The following GTSE1 variants were observed in gnomAD, a reference collection of about 807,000 sequenced individuals.
The protein encoded by GTSE1 is G2 and S phase-expressed protein 1.
A neutral mutation model predicts 60.5 loss-of-function variants in GTSE1; 52 were observed. That is an observed-to-expected ratio of 0.86 (90% confidence interval 0.69 to 1.08). GTSE1 has a LOEUF of 1.08. Among genes scored for constraint, GTSE1 ranks in the 50% least tolerant of loss-of-function variants. The probability of loss-of-function intolerance (pLI) is 0.00; values close to 1 mark genes in which losing one functional copy is unlikely to be tolerated. For missense variants in GTSE1, 937 were observed against 961.8 expected (o/e 0.97, Z 0.34); for synonymous variants, 368 against 386.5 (o/e 0.95, Z 0.56).
In GTSE1 at chr22:46,297,278, G is replaced by T. The variant is rs2077662422; in HGVS notation, c.-21-102G>T. ...CGCGCCGCCTCTCCCAGACCTGGCC[G>T]CGGCCTTCAGCTCTCTCTGCCTCTG... On this transcript the variant is annotated intron_variant, in intron 1 of 11. Coordinates refer to ENST00000454366, the MANE Select transcript of GTSE1 (RefSeq NM_016426.7). The surrounding 1 kb of genome is among the most constrained non-coding windows in gnomAD (Gnocchi z 4.9). The T allele has an allele frequency of 1.3e-6, 1 of 746,658 alleles. No homozygotes were observed. The highest frequency in any genetic ancestry group is 2.3e-6 in the Non-Finnish European group (1 of 425,946). The allele number at this position is 746,658 out of a possible 1,614,324, so 46.3% of individuals were successfully genotyped here.
rs546849982 is a variant in GTSE1 at position 46,297,896 on chromosome 22, G to A, written c.79+417G>A. 2.0e-5 allele frequency among the ~76,000 whole-genome samples: 3 copies of A among 152,052 alleles called. No homozygotes were observed. Among genetic ancestry groups the A allele is most frequent in the Non-Finnish European group, 4.4e-5 (3 of 68,018 alleles). On this transcript the variant is annotated intron_variant, in intron 2 of 11. Coordinates refer to ENST00000454366, the MANE Select transcript of GTSE1 (RefSeq NM_016426.7). The surrounding 1 kb of genome is among the most constrained non-coding windows in gnomAD (Gnocchi z 4.9). ...GTCTTTGACTGGTTTGGGTATCAAG[G>A]TGAGGGTACAGCTTCACAGAATGAG... is the stretch of plus-strand genomic sequence containing the variant.
chr22:46,325,040 C>A (rs1328765199), intron 8 of GTSE1, among the ~76,000 whole-genome samples: 1 of 152,152 alleles, frequency 6.6e-6, no homozygotes, highest in African/African-American at 2.4e-5. Flanking sequence ...GTAGCTTGAA[C>A]AACAAACATT....
rs557961587 is a variant in GTSE1, at chr22:46,324,741, C to T, written c.1505+1479C>T. ...AATAAAGGGAGGAGGGTGGGGAATC[C>T]TAGAACTTCGCGGAGAGCAGCAGCT... is the stretch of plus-strand genomic sequence containing the variant. On this transcript the variant is annotated intron_variant, in intron 8 of 11. Transcript: ENST00000454366. This position sits in a 1 kb window ranked among gnomAD's most constrained non-coding sequence, Gnocchi z 5.2. 1.3e-5 allele frequency among the ~76,000 whole-genome samples: 2 copies of T among 152,238 alleles called. No individual in the cohort carries two copies. The highest frequency in any genetic ancestry group is 1.3e-4 in the Admixed American group (2 of 15,292).
chr22:46,312,700 A>C (rs1233672433), intron 5 of GTSE1, among the ~76,000 whole-genome samples: 1 of 151,666 alleles, frequency 6.6e-6, no homozygotes, highest in Non-Finnish European at 1.5e-5. Context: ...GCAGCCTGCA[A>C]AATACATGCA....
In GTSE1 at chr22:46,310,271, A is replaced by G. The variant is rs1173028890; in HGVS notation, c.762+1328A>G. Among the ~76,000 whole-genome samples the G allele has an allele frequency of 3.9e-5, 6 of 152,236 alleles. No individual in the cohort carries two copies. Among genetic ancestry groups the G allele is most frequent in the African/African-American group, 1.4e-4 (6 of 41,460 alleles). On this transcript the variant is annotated intron_variant, in intron 4 of 11. Coordinates refer to ENST00000454366, the MANE Select transcript of GTSE1 (RefSeq NM_016426.7). The surrounding 1 kb of genome is among the most constrained non-coding windows in gnomAD (Gnocchi z 4.4). The stretch of plus-strand genomic sequence containing the variant: ...GATGCCTAAAGGAAGAAGAAAAAGA[A>G]AATAACAGGTGTTATTTTGAGGATG...
Position 46,324,517 on chromosome 22 carries a change from G to A in GTSE1, c.1505+1255G>A, listed in dbSNP as rs1457512930. ...CAAGTAGCTGGGACTACAGGCGCCCGCCACCACGCCCGGCTAAGTTTTTGT... is the reference window on the plus strand; with the variant it reads ...CAAGTAGCTGGGACTACAGGCGCCCACCACCACGCCCGGCTAAGTTTTTGT... On this transcript the variant is annotated intron_variant, in intron 8 of 11. Transcript: ENST00000454366. The surrounding 1 kb of genome is among the most constrained non-coding windows in gnomAD (Gnocchi z 5.2). Among the ~76,000 whole-genome samples the A allele has an allele frequency of 1.3e-5, 2 of 151,996 alleles. No individual in the cohort carries two copies. The highest frequency in any genetic ancestry group is 6.5e-5 in the Admixed American group (1 of 15,272).
At chr22:46,298,226 G>A (rs148498823) in intron 2 of GTSE1, among the ~76,000 whole-genome samples, 1 of 151,776 alleles carries the variant, frequency 6.6e-6, no homozygotes, top group African/African-American at 2.4e-5. Context: ...GCCTCCCAAA[G>A]TGCTAGGATT....
At chr22:46,302,085 A>G (rs2077692848) in intron 2 of GTSE1, among the ~76,000 whole-genome samples, 1 of 152,160 alleles carries the variant, frequency 6.6e-6, no homozygotes, top group African/African-American at 2.4e-5. Context: ...AGATCGCGCC[A>G]TTGCACTCCA....
rs995553565 is a variant in GTSE1 at position 46,321,145 on chromosome 22, C to A, written c.1433-2045C>A. ...GCGGGGTCAGTGACCCAAGAATGTT[C>A]CCAAAAGACAGGGATTATGGGATGA... On this transcript the variant is annotated intron_variant, in intron 7 of 11. Coordinates refer to ENST00000454366, the MANE Select transcript of GTSE1 (RefSeq NM_016426.7). The surrounding 1 kb of genome is among the most constrained non-coding windows in gnomAD (Gnocchi z 4.0). 1.3e-5 allele frequency among the ~76,000 whole-genome samples: 2 copies of A among 152,068 alleles called. No individual in the cohort carries two copies. Among genetic ancestry groups the A allele is most frequent in the Non-Finnish European group, 2.9e-5 (2 of 68,012 alleles).
In GTSE1 at chr22:46,313,797, G is replaced by T. The variant is rs539816431; in HGVS notation, c.928-93G>T. ...GCTGGGATTACAGGCGTGAGCCACC[G>T]TGCCCAGCCAAAAACCCCTTACTTT... is the stretch of plus-strand genomic sequence containing the variant. On this transcript the variant is annotated intron_variant, in intron 5 of 11. Coordinates refer to ENST00000454366, the MANE Select transcript of GTSE1 (RefSeq NM_016426.7). The surrounding 1 kb of genome is among the most constrained non-coding windows in gnomAD (Gnocchi z 4.4). 2 of 1,433,724 alleles carry T rather than the reference G, an allele frequency of 1.4e-6. No individual in the cohort carries two copies. Among genetic ancestry groups the T allele is most frequent in the Non-Finnish European group, 1.9e-6 (2 of 1,030,572 alleles). 88.8% of individuals were successfully genotyped at this position (1,433,724 alleles called of 1,614,324 possible).
rs1023370431 is a variant in GTSE1 at position 46,321,228 on chromosome 22, A to G, written c.1433-1962A>G. ...AAACAAACACCAGCCTGGGCGACACAGTGAGACCCCGATTCTACAAAAACA... is the reference window on the plus strand; with the variant it reads ...AAACAAACACCAGCCTGGGCGACACGGTGAGACCCCGATTCTACAAAAACA... On this transcript the variant is annotated intron_variant, in intron 7 of 11. Transcript: ENST00000454366. This position sits in a 1 kb window ranked among gnomAD's most constrained non-coding sequence, Gnocchi z 4.0. Among the ~76,000 whole-genome samples, 1 of 152,092 alleles carries G rather than the reference A, an allele frequency of 6.6e-6. No individual in the cohort carries two copies. The highest frequency in any genetic ancestry group is 1.5e-5 in the Non-Finnish European group (1 of 68,010).
At chr22:46,300,418 G>A (rs769635850) in intron 2 of GTSE1, among the ~76,000 whole-genome samples, 5 of 152,036 alleles carry the variant, frequency 3.3e-5, no homozygotes, top group Admixed American at 6.6e-5. Context: ...CTTAAAGCCC[G>A]GTAATAGTTT....
chr22:46,301,736 G>A (rs1357428672), intron 2 of GTSE1, among the ~76,000 whole-genome samples: 2 of 151,762 alleles, frequency 1.3e-5, no homozygotes, highest in Admixed American at 6.6e-5. Context: ...TGATCCACCC[G>A]CCTCGACCTT....
intron 2 of GTSE1, among the ~76,000 whole-genome samples, chr22:46,306,991 AG>A (rs1235789644): frequency 6.6e-6 from 1 of 152,158 alleles, no homozygotes; most frequent in Non-Finnish European, 1.5e-5. Flanking sequence ...AAGGGTCAAG[AG>A]GCACTCACAG....
Position 46,308,883 on chromosome 22 carries a change from A to C in GTSE1, c.702A>C (p.Lys234Asn), listed in dbSNP as rs1445766805. The C allele has an allele frequency of 6.2e-7, 1 of 1,613,096 alleles. No individual in the cohort carries two copies. The highest frequency in any genetic ancestry group is 1.7e-5 in the Admixed American group (1 of 60,012). ...QAATQRKPGTKLLLPRAASVR... is the reference protein window; with the variant it reads ...QAATQRKPGTNLLLPRAASVR... ...CGACTCAGAGGAAGCCCGGGACCAAATTGCTGCTGCCTCGAGCGGCCTCTG... is the reference window on the plus strand; with the variant it reads ...CGACTCAGAGGAAGCCCGGGACCAACTTGCTGCTGCCTCGAGCGGCCTCTG... The change falls in exon 4 of 12, where the codon AAA becomes AAC. Residue 234 changes from lysine to asparagine, a missense_variant. By Grantham distance (94) the Lys-to-Asn change is moderately conservative. Coordinates refer to ENST00000454366, the MANE Select transcript of GTSE1 (RefSeq NM_016426.7).
At chr22:46,307,260 C>G (rs1254091200) in intron 2 of GTSE1, among the ~76,000 whole-genome samples, 7 of 152,186 alleles carry the variant, frequency 4.6e-5, no homozygotes, top group African/African-American at 1.7e-4. Flanking sequence ...AGTCCCTACT[C>G]CGTGCATTTG....
rs1021015836 is a variant in GTSE1, at chr22:46,321,802, C to T, written c.1433-1388C>T. Among the ~76,000 whole-genome samples the T allele has an allele frequency of 1.1e-4, 17 of 152,134 alleles. No individual in the cohort carries two copies. Among genetic ancestry groups the T allele is most frequent in the African/African-American group, 4.1e-4 (17 of 41,412 alleles). ...TTTAAAAGAATAGGAGAGGCTGGGG[C>T]AGTGGCTCACGCCTGTAATCCCAGC... On this transcript the variant is annotated intron_variant, in intron 7 of 11. Coordinates refer to ENST00000454366, the MANE Select transcript of GTSE1 (RefSeq NM_016426.7). This position sits in a 1 kb window ranked among gnomAD's most constrained non-coding sequence, Gnocchi z 4.0.
chr22:46,297,248 GCCCC>G lies in GTSE1; in HGVS notation c.-21-130_-21-127del, dbSNP rs1003622453. ...CCTGGGATGCGATCATTTCAGAGCGGCCCCCGCGCCGCCTCTCCCAGACCTGGCC... is the reference window on the plus strand; with the variant it reads ...CCTGGGATGCGATCATTTCAGAGCGGCGCGCCGCCTCTCCCAGACCTGGCC... On this transcript the variant is annotated intron_variant, in intron 1 of 11. Transcript: ENST00000454366. This position sits in a 1 kb window ranked among gnomAD's most constrained non-coding sequence, Gnocchi z 4.9. The G allele has an allele frequency of 1.5e-6, 1 of 647,434 alleles. No homozygotes were observed. Among genetic ancestry groups the G allele is most frequent in the African/African-American group, 1.8e-5 (1 of 54,778 alleles). The allele number at this position is 647,434 out of a possible 1,614,324, so 40.1% of individuals were successfully genotyped here.
intron 7 of GTSE1, among the ~76,000 whole-genome samples, chr22:46,322,778 C>T (rs985738953): frequency 6.6e-6 from 1 of 152,214 alleles, no homozygotes; most frequent in African/African-American, 2.4e-5. Context: ...CTCTGTTGCG[C>T]GTGCCTGGGA....
Sources: allele counts gnomAD v4.1 joint callset (sites outside exome capture counted in the v4.1 genomes callset), GRCh38; gene constraint gnomAD v4.1.1; non-coding constraint Gnocchi (gnomAD v3.1); transcripts MANE v1.5; gene names NCBI Gene and HGNC (gene_info 2026-07-23, HGNC 2026-07-21).